The following DAPP1 variants were observed in gnomAD, a reference collection of about 807,000 sequenced individuals.
The protein encoded by DAPP1 is dual adaptor of phosphotyrosine and 3-phosphoinositides 1, also known as dual adapter for phosphotyrosine and 3-phosphotyrosine and 3-phosphoinositide.
In DAPP1, 20 loss-of-function variants were observed where a neutral mutation model predicts 41.5. The observed-to-expected ratio is 0.48, with a 90% confidence interval of 0.34 to 0.70. The LOEUF is 0.70. DAPP1 is among the 30% of genes least tolerant of loss of function. DAPP1 has a pLI of 0.01. For missense variants in DAPP1, 233 were observed against 333.4 expected (o/e 0.70, Z 2.35); for synonymous variants, 113 against 116.2 (o/e 0.97, Z 0.18).
intron 8 of DAPP1, chr4:99,866,460 C>T: frequency 4.1e-6 from 3 of 735,742 alleles, no homozygotes; most frequent in Non-Finnish European, 7.4e-6. Context: ...GGAAAGCTGA[C>T]ATACTTCTCT....
chr4:99,868,465 G>A lies in DAPP1; in HGVS notation c.*280G>A. 2.7e-6 allele frequency: 1 copy of A among 370,552 alleles called. No homozygotes were observed. Among genetic ancestry groups the A allele is most frequent in the Non-Finnish European group, 5.0e-6 (1 of 199,906 alleles). 23.0% of individuals were successfully genotyped at this position (370,552 alleles called of 1,614,324 possible). The stretch of plus-strand genomic sequence containing the variant: ...TCTGCTCACTCTTAGAACACACAAT[G>A]GAAGAGGAAGGGTTTTTGTTTTCAC... On this transcript the variant is annotated 3_prime_UTR_variant, in exon 9 of 9. Coordinates refer to ENST00000512369, the MANE Select transcript of DAPP1 (RefSeq NM_014395.3).
chr4:99,849,123 G>C (rs996120781), intron 3 of DAPP1, among the ~76,000 whole-genome samples: 37 of 152,070 alleles, frequency 2.4e-4, no homozygotes, highest in Admixed American at 2.4e-3. Context: ...TCATTTGTGG[G>C]GTTACTAGTT....
At chr4:99,858,569 T>G (rs1313312025) in intron 4 of DAPP1, among the ~76,000 whole-genome samples, 1 of 152,218 alleles carries the variant, frequency 6.6e-6, no homozygotes, top group East Asian at 1.9e-4. Context: ...GTGAGGTTAT[T>G]TGAGACTATA....
At chr4:99,844,317 G>C (rs919674877) in intron 3 of DAPP1, 1 of 152,154 alleles carries the variant, frequency 6.6e-6, no homozygotes, top group Admixed American at 6.5e-5. Context: ...TGGGCAGGCC[G>C]GTTGGAGTTT....
rs1723454663 is a variant in DAPP1 at position 99,840,369 on chromosome 4, T to C, written c.305T>C (p.Leu102Ser). ...TTTGGCTTTAATGAATTCTCATCTT[T>C]GAAGGATTTTGTCAAGCATTTTGCA... ...FKFGFNEFSSLKDFVKHFANQ... is the reference protein window; with the variant it reads ...FKFGFNEFSSSKDFVKHFANQ... The change falls in exon 3 of 9, where the codon TTG becomes TCG. Residue 102 changes from leucine (L) to serine (S), a missense_variant. Coordinates refer to ENST00000512369, the MANE Select transcript of DAPP1 (RefSeq NM_014395.3). 3 of 1,611,548 alleles carry C rather than the reference T, an allele frequency of 1.9e-6. No individual in the cohort carries two copies. The highest frequency in any genetic ancestry group is 2.5e-6 in the Non-Finnish European group (3 of 1,179,208).
chr4:99,823,429 C>T (rs1722838826), intron 1 of DAPP1, among the ~76,000 whole-genome samples: 2 of 152,244 alleles, frequency 1.3e-5, no homozygotes, highest in South Asian at 2.1e-4. Context: ...TAACATTGTT[C>T]ATCTTGATTC....
intron 1 of DAPP1, among the ~76,000 whole-genome samples, chr4:99,833,745 T>C (rs1292486071): frequency 6.6e-6 from 1 of 152,240 alleles, no homozygotes; most frequent in African/African-American, 2.4e-5. Context: ...CTTTCTGTTA[T>C]CTGATCTAAA....
intron 2 of DAPP1, among the ~76,000 whole-genome samples, chr4:99,836,759 C>A (rs1375443375): frequency 6.6e-6 from 1 of 152,184 alleles, no homozygotes; most frequent in East Asian, 1.9e-4. Context: ...TGCTACATAA[C>A]AAATTATCAA....
At chr4:99,857,750 T>C (rs1473336411) in intron 4 of DAPP1, among the ~76,000 whole-genome samples, 1 of 151,290 alleles carries the variant, frequency 6.6e-6, no homozygotes, top group Non-Finnish European at 1.5e-5. Flanking sequence ...AATAATGAGC[T>C]CTTCATTGTA....
intron 3 of DAPP1, 103 bp from the exon 4 acceptor site, chr4:99,853,111 CATGA>C: frequency 7.7e-7 from 1 of 1,300,820 alleles, no homozygotes; most frequent in Non-Finnish European, 1.1e-6. Flanking sequence ...CGAGGGAATA[CATGA>C]AAAAAACAAA....
At chr4:99,860,397 C>T (rs1380824293) in intron 4 of DAPP1, among the ~76,000 whole-genome samples, 1 of 152,084 alleles carries the variant, frequency 6.6e-6, no homozygotes, top group East Asian at 1.9e-4. Flanking sequence ...TGCAACAGCC[C>T]AAAATAATTA....
rs62305040 is a variant in DAPP1 at position 99,848,103 on chromosome 4, G to A, written c.359-5115G>A. Among the ~76,000 whole-genome samples the A allele has an allele frequency of 7.8e-3, 1,182 of 152,068 alleles. 13 individuals carry two copies. The highest frequency in any genetic ancestry group is 0.013 in the Non-Finnish European group (850 of 67,984). ...TGGGATTACAGGCATGAGCCACCGC[G>A]CCCGGCTGATAAGTTTCTTTTGATT... is the stretch of plus-strand genomic sequence containing the variant. On this transcript the variant is annotated intron_variant, in intron 3 of 8. Transcript: ENST00000512369.
chr4:99,863,980 G>A lies in DAPP1; in HGVS notation c.686+125G>A, dbSNP rs368508199. 9 of 638,766 alleles carry A rather than the reference G, an allele frequency of 1.4e-5. No individual in the cohort carries two copies. The South Asian group carries it at 1.8e-4, about 13-fold the overall frequency. 39.6% of individuals were successfully genotyped at this position (638,766 alleles called of 1,614,324 possible). A position where few individuals can be genotyped will look rare whatever the true frequency, so the allele number is the denominator to read the frequency against. On this transcript the variant is annotated intron_variant, in intron 7 of 8. Coordinates refer to ENST00000512369, the MANE Select transcript of DAPP1 (RefSeq NM_014395.3). The stretch of plus-strand genomic sequence containing the variant: ...TCAGATATGAGGGGCATGCCTGCAT[G>A]TAAGGAGTGTTTTCAGCTGAGTGTG...
chr4:99,829,089 T>A (rs1380097511), intron 1 of DAPP1, among the ~76,000 whole-genome samples: 2 of 152,134 alleles, frequency 1.3e-5, no homozygotes. Flanking sequence ...CCATAATACA[T>A]TGTTTAATTT....
chr4:99,819,137 T>A (rs1722686447), intron 1 of DAPP1, among the ~76,000 whole-genome samples: 1 of 152,246 alleles, frequency 6.6e-6, no homozygotes, highest in Admixed American at 6.5e-5. Context: ...TATCATAAAA[T>A]ATACCCGTTT....
intron 3 of DAPP1, among the ~76,000 whole-genome samples, chr4:99,841,432 GA>G (rs1255990170): frequency 2.6e-5 from 4 of 152,330 alleles, no homozygotes; most frequent in African/African-American, 7.2e-5. Context: ...GCCCAAGAAA[GA>G]ATAACCCAAA....
chr4:99,828,790 T>C (rs953014316), intron 1 of DAPP1, among the ~76,000 whole-genome samples: 1 of 152,244 alleles, frequency 6.6e-6, no homozygotes, highest in Non-Finnish European at 1.5e-5. Context: ...TTCCTTCAAG[T>C]TGAATTGCTG....
intron 7 of DAPP1, chr4:99,865,169 A>G (rs756664486): frequency 1.3e-5 from 2 of 152,164 alleles, no homozygotes; most frequent in Non-Finnish European, 2.9e-5. Context: ...TTCAACTTTA[A>G]TTGCTGGTAT....
intron 1 of DAPP1, among the ~76,000 whole-genome samples, chr4:99,831,301 T>C (rs1025899399): frequency 2.0e-5 from 3 of 152,198 alleles, no homozygotes; most frequent in African/African-American, 7.2e-5. Flanking sequence ...TGGGGTGTAA[T>C]TGACATCATG....
Sources: gnomAD v4.1 joint callset for allele counts (sites outside exome capture counted in the v4.1 genomes callset) on GRCh38, gnomAD v4.1.1 for gene constraint, MANE v1.5 for transcripts, NCBI Gene and HGNC (gene_info 2026-07-23, HGNC 2026-07-21) for gene names.